The following BCO2 variants were observed in gnomAD, a reference collection of about 807,000 sequenced individuals.
The protein encoded by BCO2 is beta-carotene oxygenase 2.
In BCO2, 56 loss-of-function variants were observed where a neutral mutation model predicts 65.8. That is an observed-to-expected ratio of 0.85 (90% CI 0.69 to 1.06). BCO2 has a LOEUF of 1.06. Ranked by LOEUF, BCO2 falls within the 50% of genes least tolerant of loss-of-function variation. The pLI is 0.00. For synonymous variants in BCO2, 233 were observed against 242.3 expected (o/e 0.96, Z 0.36); for missense variants, 675 against 698.5 (o/e 0.97, Z 0.38).
chr11:112,187,684 C>T lies in BCO2; in HGVS notation c.294-5790C>T, dbSNP rs146661374. Among the ~76,000 whole-genome samples the T allele has an allele frequency of 6.7e-3, 1,014 of 152,290 alleles. 6 individuals are homozygous for T. Among genetic ancestry groups the T allele is most frequent in the South Asian group, 9.5e-3 (46 of 4,822 alleles). On this transcript the variant is annotated intron_variant, in intron 2 of 11. Transcript: ENST00000357685. ...CTTCCCCACACTTCTGATCAGAGGACGCAGCTCTTTTCCTCTTCTCTGAAA... is the reference window on the plus strand; with the variant it reads ...CTTCCCCACACTTCTGATCAGAGGATGCAGCTCTTTTCCTCTTCTCTGAAA...
intron 2 of BCO2, among the ~76,000 whole-genome samples, chr11:112,189,958 T>C (rs1867324545): frequency 6.6e-6 from 1 of 152,102 alleles, no homozygotes; most frequent in African/African-American, 2.4e-5. Context: ...AAAAGTAAAC[T>C]GCAGACTAAT....
chr11:112,211,534 C>T (rs1235634805), intron 8 of BCO2, among the ~76,000 whole-genome samples: 2 of 152,048 alleles, frequency 1.3e-5, no homozygotes, highest in African/African-American at 2.4e-5. Flanking sequence ...TTTTGAGGAA[C>T]AACCAAACTA....
intron 8 of BCO2, among the ~76,000 whole-genome samples, chr11:112,205,492 G>C (rs1867843144): frequency 6.6e-6 from 1 of 152,114 alleles, no homozygotes; most frequent in South Asian, 2.1e-4. Context: ...ATCTCACTCT[G>C]TTGCCCAGGC....
intron 11 of BCO2, 82 bp downstream of exon 11, chr11:112,216,412 C>T (rs1029298768): frequency 2.2e-5 from 21 of 951,912 alleles, no homozygotes; most frequent in Middle Eastern, 2.1e-4. Context: ...ACTCATCTGT[C>T]GATAGTTTAC....
chr11:112,178,832 T>C (rs1866952257), intron 1 of BCO2, among the ~76,000 whole-genome samples: 1 of 152,238 alleles, frequency 6.6e-6, no homozygotes, highest in Non-Finnish European at 1.5e-5. Context: ...CACATTCTGG[T>C]ATATCTAAAT....
At chr11:112,197,733 G>A (rs187056153) in intron 5 of BCO2, among the ~76,000 whole-genome samples, 202 of 152,196 alleles carry the variant, frequency 1.3e-3, no homozygotes, top group African/African-American at 4.6e-3. Context: ...TTTCTTTTCA[G>A]CTCTGTAACA....
Position 112,193,780 on chromosome 11 carries a change from T to A in BCO2, c.517+83T>A, listed in dbSNP as rs1026309169. The A allele has an allele frequency of 5.3e-6, 8 of 1,517,934 alleles. No individual in the cohort carries two copies. In the African/African-American group the frequency reaches 1.1e-4, roughly 21 times the overall value. The allele number at this position is 1,517,934 out of a possible 1,614,324, so 94.0% of individuals were successfully genotyped here. A position where few individuals can be genotyped will look rare whatever the true frequency, so the allele number is the denominator to read the frequency against. On this transcript the variant is annotated intron_variant, in intron 3 of 11. Transcript: ENST00000357685. The stretch of plus-strand genomic sequence containing the variant: ...TCTTGAAAATAGATTTTTTTGTGTA[T>A]GTGAGAGGATGTTGAAACTGCTTTC...
chr11:112,201,347 A>G (rs1047717513), intron 7 of BCO2, among the ~76,000 whole-genome samples: 1 of 151,996 alleles, frequency 6.6e-6, no homozygotes, highest in Admixed American at 6.6e-5. Flanking sequence ...ACAGGGTTTC[A>G]CCATATTGGC....
intron 2 of BCO2, among the ~76,000 whole-genome samples, chr11:112,184,415 G>T (rs905909915): frequency 2.0e-5 from 3 of 151,910 alleles, no homozygotes; most frequent in Non-Finnish European, 2.9e-5. Flanking sequence ...ACCACGCCTG[G>T]CTAATTTTTT....
rs1755402900 is a variant in BCO2 at position 112,193,945 on chromosome 11, C to A, written c.584C>A (p.Thr195Asn). ...GGTGATTACTACCTCTGCACTGAGA[C>A]CAACTTTATGAATAAAGTGGACATT... ...YKGDYYLCTE[T>N]NFMNKVDIET... Residue 195 changes from threonine (T) to asparagine (N), a missense_variant, in exon 4 of 12, where the codon ACC becomes AAC. Transcript: ENST00000357685. 1.2e-6 allele frequency: 2 copies of A among 1,612,054 alleles called. No individual in the cohort carries two copies. Among genetic ancestry groups the A allele is most frequent in the Non-Finnish European group, 1.7e-6 (2 of 1,178,554 alleles).
chr11:112,190,856 C>CAAA (rs945768260), intron 2 of BCO2, among the ~76,000 whole-genome samples: 3 of 62,290 alleles, frequency 4.8e-5, no homozygotes, highest in African/African-American at 5.7e-5. Context: ...GACTCTGTCT[C>CAAA]AAAAAAAAAA....
chr11:112,206,672 A>G (rs1355376813), intron 8 of BCO2, among the ~76,000 whole-genome samples: 1 of 152,172 alleles, frequency 6.6e-6, no homozygotes, highest in African/African-American at 2.4e-5. Context: ...TCCCCAGCCC[A>G]TAGGTCGCCT....
intron 7 of BCO2, 99 bp downstream of exon 7, chr11:112,200,872 A>G: frequency 7.7e-7 from 1 of 1,295,330 alleles, no homozygotes; most frequent in Non-Finnish European, 1.1e-6. Flanking sequence ...TTAAAAGTGC[A>G]TAAGACACTT....
rs191980243 is a variant in BCO2, at chr11:112,207,194, C to T, written c.1194+5004C>T. Among the ~76,000 whole-genome samples the T allele has an allele frequency of 6.9e-4, 105 of 152,070 alleles. 1 individual carries two copies. Among genetic ancestry groups the T allele is most frequent in the Admixed American group, 6.0e-3 (92 of 15,270 alleles). ...CGCCTTACTGTACCAGCTAGGACTT[C>T]GAGTTGAATAGAAGTGCAAGATAGT... On this transcript the variant is annotated intron_variant, in intron 8 of 11. Transcript: ENST00000357685.
intron 8 of BCO2, among the ~76,000 whole-genome samples, chr11:112,209,208 T>C (rs1256230356): frequency 6.6e-6 from 1 of 152,158 alleles, no homozygotes; most frequent in Non-Finnish European, 1.5e-5. Context: ...TACAGAATAG[T>C]TCACTGCCCT....
At position 112,217,694 on chromosome 11, in the gene BCO2, A is replaced by C. The variant is rs963226014; in HGVS notation, c.1627-67A>C. The C allele has an allele frequency of 2.8e-6, 3 of 1,071,646 alleles. No individual in the cohort carries two copies. The Admixed American group carries it at 5.8e-5, about 21-fold the overall frequency. 66.4% of individuals were successfully genotyped at this position (1,071,646 alleles called of 1,614,324 possible). A position where few individuals can be genotyped will look rare whatever the true frequency, so the allele number is the denominator to read the frequency against. On this transcript the variant is annotated intron_variant, in intron 11 of 11. Coordinates refer to ENST00000357685, the MANE Select transcript of BCO2 (RefSeq NM_031938.7). ...CTCTCCATTAGGAATTTTACAGCTT[A>C]GTGGAGGAGACAGGCAAATTTTTGA... is the stretch of plus-strand genomic sequence containing the variant.
chr11:112,203,558 T>G (rs1044265918), intron 8 of BCO2, among the ~76,000 whole-genome samples: 1 of 152,032 alleles, frequency 6.6e-6, no homozygotes, highest in African/African-American at 2.4e-5. Context: ...GTGAGGCAGA[T>G]TAACATATCT....
chr11:112,193,061 T>A (rs1481466261), intron 2 of BCO2, among the ~76,000 whole-genome samples: 1 of 148,446 alleles, frequency 6.7e-6, no homozygotes, highest in Non-Finnish European at 1.5e-5. Context: ...CACTGCAATC[T>A]CCGCCTCCCA....
intron 5 of BCO2, among the ~76,000 whole-genome samples, chr11:112,196,213 A>T (rs1392076101): frequency 6.6e-6 from 1 of 151,900 alleles, no homozygotes; most frequent in Non-Finnish European, 1.5e-5. Flanking sequence ...CAGGAAATTC[A>T]TCTCTTTATC....
Sources: gnomAD v4.1 joint callset for allele counts (sites outside exome capture counted in the v4.1 genomes callset) on GRCh38, gnomAD v4.1.1 for gene constraint, MANE v1.5 for transcripts, NCBI Gene and HGNC (gene_info 2026-07-23, HGNC 2026-07-21) for gene names.